DDI2: variants seen among roughly 807,000 people sequenced by gnomAD.
DDI2 encodes protein DDI1 homolog 2.
In DDI2, 5 loss-of-function variants were observed where a neutral mutation model predicts 48.1. The observed-to-expected ratio is 0.10, with a 90% CI of 0.05 to 0.22. The LOEUF is 0.22. DDI2 is among the 10% of genes least tolerant of loss of function. The pLI, the probability that DDI2 is intolerant of heterozygous loss-of-function variation, is 1.00. For missense variants in DDI2, 285 were observed against 506.2 expected (o/e 0.56, Z 4.19); for synonymous variants, 205 against 183.6 (o/e 1.12, Z -0.94).
At chr1:15,649,665 C>G (rs1640148457) in intron 6 of DDI2, 55 bp from the exon 7 acceptor site, 2 of 1,560,430 alleles carry the variant, frequency 1.3e-6, no homozygotes, top group South Asian at 2.4e-5. Context: ...GAGCGAAACT[C>G]CGTCTCTGTT....
Position 15,617,512 on chromosome 1 carries a change from G to A in DDI2, c.-159G>A, listed in dbSNP as rs890716823. ...CGTGCTTGCTAGTGAGGGCGGGAGG[G>A]AGTGACTCACTGAGCGTGTGTGAGG... On this transcript the variant is annotated 5_prime_UTR_variant, in exon 1 of 10. Coordinates refer to ENST00000480945, the MANE Select transcript of DDI2 (RefSeq NM_032341.5). 2 of 456,842 alleles carry A rather than the reference G, an allele frequency of 4.4e-6. No homozygotes were observed. Among genetic ancestry groups the A allele is most frequent in the Admixed American group, 4.6e-5 (1 of 21,588 alleles). The allele number at this position is 456,842 out of a possible 1,614,324, so 28.3% of individuals were successfully genotyped here.
intron 8 of DDI2, among the ~76,000 whole-genome samples, chr1:15,652,759 C>A (rs6666876): frequency 1.3e-5 from 2 of 151,720 alleles, no homozygotes; most frequent in African/African-American, 4.8e-5. Context: ...GGGGGCGGAG[C>A]TTGCAGTGAG....
chr1:15,649,115 G>A (rs1480199735), intron 6 of DDI2, among the ~76,000 whole-genome samples: 4 of 152,122 alleles, frequency 2.6e-5, no homozygotes, highest in Non-Finnish European at 5.9e-5. Context: ...TGTAATCCCA[G>A]CACGTTGGGA....
chr1:15,625,711 C>T (rs1035734092), intron 1 of DDI2, among the ~76,000 whole-genome samples: 20 of 152,130 alleles, frequency 1.3e-4, no homozygotes, highest in Non-Finnish European at 2.5e-4. Flanking sequence ...CTTTGCCTCC[C>T]GGGTTTAAGC....
chr1:15,643,003 C>A (rs1044096353), intron 5 of DDI2, among the ~76,000 whole-genome samples: 1 of 152,018 alleles, frequency 6.6e-6, no homozygotes, highest in East Asian at 1.9e-4. Flanking sequence ...GGAGGTGGAG[C>A]TTGTAGTGAG....
chr1:15,617,586 C>A lies in DDI2; in HGVS notation c.-85C>A. The A allele has an allele frequency of 8.5e-7, 1 of 1,178,388 alleles. No homozygotes were observed. The highest frequency in any genetic ancestry group is 1.1e-6 in the Non-Finnish European group (1 of 931,872). 73.0% of individuals were successfully genotyped at this position (1,178,388 alleles called of 1,614,324 possible). ...CAGCCGGCGCCGTCCTCCCGCAGCA[C>A]CAGCCAGGCCACGCCGCCGCCTCTT... On this transcript the variant is annotated 5_prime_UTR_variant, in exon 1 of 10. Transcript: ENST00000480945.
rs1378740443 is a variant in DDI2 at position 15,662,131 on chromosome 1, A to C, written c.*2341A>C. ...AAACAGATGAACTCTCCACACTGTG[A>C]CTGTGTGTCTGTGCTGATGGCAAGG... On this transcript the variant is annotated 3_prime_UTR_variant, in exon 10 of 10. Transcript: ENST00000480945. 1 of 160,252 alleles carries C rather than the reference A, an allele frequency of 6.2e-6. No homozygotes were observed. The highest frequency in any genetic ancestry group is 1.4e-5 in the Non-Finnish European group (1 of 72,748). 9.9% of individuals were successfully genotyped at this position (160,252 alleles called of 1,614,324 possible). A position where few individuals can be genotyped will look rare whatever the true frequency, so the allele number is the denominator to read the frequency against.
At chr1:15,642,651 CTG>C (rs1640028679) in intron 5 of DDI2, among the ~76,000 whole-genome samples, 1 of 152,204 alleles carries the variant, frequency 6.6e-6, no homozygotes, top group Non-Finnish European at 1.5e-5. Context: ...GGGCCAGACA[CTG>C]TGGCTCACAC....
At chr1:15,644,536 C>T (rs987727402) in intron 6 of DDI2, among the ~76,000 whole-genome samples, 2 of 150,266 alleles carry the variant, frequency 1.3e-5, no homozygotes, top group African/African-American at 2.5e-5. Context: ...GATTCTGTTC[C>T]GATTCTTGAT....
chr1:15,641,676 C>G (rs956779752), intron 5 of DDI2, among the ~76,000 whole-genome samples: 1 of 151,892 alleles, frequency 6.6e-6, no homozygotes, highest in African/African-American at 2.4e-5. Context: ...AGCATCAGGA[C>G]AGGCACAGTG....
intron 3 of DDI2, among the ~76,000 whole-genome samples, chr1:15,631,693 A>C (rs1250663137): frequency 6.6e-6 from 1 of 152,112 alleles, no homozygotes; most frequent in African/African-American, 2.4e-5. Flanking sequence ...CTTTCTAGTC[A>C]ATCTCCTCTC....
chr1:15,630,615 G>A, intron 3 of DDI2, 54 bp downstream of exon 3: 5 of 1,240,778 alleles, frequency 4.0e-6, no homozygotes, highest in Non-Finnish European at 5.9e-6. Context: ...AAGAAGCTGT[G>A]TCATAGCAAA....
chr1:15,652,442 G>C (rs1557622524), intron 8 of DDI2, among the ~76,000 whole-genome samples: 1 of 81,326 alleles, frequency 1.2e-5, no homozygotes, highest in Non-Finnish European at 2.8e-5. Flanking sequence ...ACTTTGGGAG[G>C]CTCCGGAGGG....
chr1:15,656,371 C>G, intron 8 of DDI2: 1 of 1,359,386 alleles, frequency 7.4e-7, no homozygotes, highest in Non-Finnish European at 9.5e-7. Flanking sequence ...TGTGTAGAAA[C>G]AAAATTAATT....
rs1019239593 is a variant in DDI2, at chr1:15,666,539, A to T, written c.*6749A>T. ...CAATGTTGTGCTGGTTAAGGGAGAG[A>T]AAAGTTCAAGAAGATCTTACATATT... On this transcript the variant is annotated 3_prime_UTR_variant, in exon 10 of 10. Coordinates refer to ENST00000480945, the MANE Select transcript of DDI2 (RefSeq NM_032341.5). The T allele has an allele frequency of 6.6e-6, 1 of 152,228 alleles. No homozygotes were observed. Among genetic ancestry groups the T allele is most frequent in the African/African-American group, 2.4e-5 (1 of 41,466 alleles). 9.4% of individuals were successfully genotyped at this position (152,228 alleles called of 1,614,324 possible). A position where few individuals can be genotyped will look rare whatever the true frequency, so the allele number is the denominator to read the frequency against.
intron 6 of DDI2, among the ~76,000 whole-genome samples, chr1:15,645,234 C>T (rs1015502667): frequency 3.3e-5 from 5 of 152,196 alleles, no homozygotes; most frequent in Admixed American, 6.5e-5. Context: ...CCTTTGACCT[C>T]AGTGTTTTGA....
chr1:15,626,203 G>A (rs1057332093), intron 1 of DDI2, among the ~76,000 whole-genome samples: 12 of 152,096 alleles, frequency 7.9e-5, no homozygotes, highest in African/African-American at 2.9e-4. Flanking sequence ...TTATGATCTC[G>A]TGAATGAAAC....
intron 1 of DDI2, among the ~76,000 whole-genome samples, chr1:15,621,721 A>G (rs900152220): frequency 3.3e-5 from 5 of 152,110 alleles, no homozygotes; most frequent in Non-Finnish European, 7.3e-5. Context: ...ATAATATACC[A>G]TCATATAGAT....
chr1:15,668,176 C>T lies in DDI2; in HGVS notation c.*8386C>T, dbSNP rs1640482257. ...ATTTTGTTTACAAGAGTTGGTTTTA[C>T]ACACAACCCTGAATGAATGTGTCTA... On this transcript the variant is annotated 3_prime_UTR_variant, in exon 10 of 10. Coordinates refer to ENST00000480945, the MANE Select transcript of DDI2 (RefSeq NM_032341.5). 6.6e-6 allele frequency: 1 copy of T among 152,126 alleles called. No individual in the cohort carries two copies. Among genetic ancestry groups the T allele is most frequent in the African/African-American group, 2.4e-5 (1 of 41,408 alleles). 9.4% of individuals were successfully genotyped at this position (152,126 alleles called of 1,614,324 possible).
Sources: allele counts gnomAD v4.1 joint callset (sites outside exome capture counted in the v4.1 genomes callset), GRCh38; gene constraint gnomAD v4.1.1; transcripts MANE v1.5; gene names NCBI Gene and HGNC (gene_info 2026-07-23, HGNC 2026-07-21).